Variants in SLC25A16 observed in about 807,000 individuals in gnomAD.
The protein encoded by SLC25A16 is solute carrier family 25 member 16, also known as mitochondrial coenzyme A transporter SLC25A16.
In SLC25A16, 39 loss-of-function variants were observed where a neutral mutation model predicts 41.5. That is an observed-to-expected ratio of 0.94 (90% confidence interval 0.73 to 1.23). The LOEUF is 1.23. Among genes scored for constraint, SLC25A16 ranks in the 50% most tolerant of loss-of-function variants. SLC25A16 has a pLI of 0.00. For synonymous variants in SLC25A16, 146 were observed against 147.8 expected (o/e 0.99, Z 0.09); for missense variants, 421 against 426.9 (o/e 0.99, Z 0.12).
rs200465217 is a variant in SLC25A16 at position 68,509,715 on chromosome 10, CTATA to C, written c.224-3001_224-2998del. The stretch of plus-strand genomic sequence containing the variant: ...AAGACCATGTCTCAAAAAAAAAAAT[CTATA>C]TATCTATCTATCTATATATATATCT... On this transcript the variant is annotated intron_variant, in intron 2 of 8. Coordinates refer to ENST00000609923, the MANE Select transcript of SLC25A16 (RefSeq NM_152707.4). 5.1e-3 allele frequency among the ~76,000 whole-genome samples: 686 copies of C among 133,302 alleles called. 2 individuals are homozygous for C. Among genetic ancestry groups the C allele is most frequent in the Middle Eastern group, 0.044 (10 of 226 alleles). 87.5% of individuals were successfully genotyped at this position (133,302 alleles called of 152,430 possible). A position where few individuals can be genotyped will look rare whatever the true frequency, so the allele number is the denominator to read the frequency against.
chr10:68,498,323 C>CTA (rs1187090010), intron 4 of SLC25A16, among the ~76,000 whole-genome samples: 1 of 140,306 alleles, frequency 7.1e-6, no homozygotes. Context: ...TTAACTTTTT[C>CTA]TTTTTTTTTT....
At chr10:68,526,514 TG>T (rs2053340183) in intron 1 of SLC25A16, among the ~76,000 whole-genome samples, 1 of 152,122 alleles carries the variant, frequency 6.6e-6, no homozygotes, top group African/African-American at 2.4e-5. Context: ...TGCTGAACGC[TG>T]GTTCCCCGGG....
chr10:68,517,486 A>G (rs1022262775), intron 1 of SLC25A16: 3 of 152,542 alleles, frequency 2.0e-5, no homozygotes, highest in East Asian at 1.9e-4. Context: ...CTTCTCTACA[A>G]TACTGTACAT....
rs150163281 is a variant in SLC25A16 at position 68,488,574 on chromosome 10, A to G, written c.666T>C (p.Pro222=). ...CTGATGAAGGTCTGCCAAGAAGGGT[A>G]GGAGCATGGGAAAGCCCAACACTCT... ...TLKSVGLSHA[P]TLLGRPSSDN... Residue 222 remains proline, a synonymous_variant, in exon 7 of 9, where the codon CCT becomes CCC. Transcript: ENST00000609923. 2.0e-5 allele frequency: 33 copies of G among 1,611,238 alleles called. No homozygotes were observed. In the African/African-American group the frequency reaches 3.9e-4, roughly 19 times the overall value.
At chr10:68,524,044 C>A (rs919585100) in intron 1 of SLC25A16, among the ~76,000 whole-genome samples, 1 of 132,424 alleles carries the variant, frequency 7.6e-6, no homozygotes, top group Non-Finnish European at 1.6e-5. Flanking sequence ...GACCAGGTGG[C>A]TCACGCCTGT....
chr10:68,485,128 C>G (rs776882494), intron 8 of SLC25A16, among the ~76,000 whole-genome samples: 11 of 152,176 alleles, frequency 7.2e-5, no homozygotes, highest in Non-Finnish European at 1.6e-4. Flanking sequence ...CGCAGCCTCG[C>G]TGCCAGGCTG....
intron 7 of SLC25A16, among the ~76,000 whole-genome samples, 166 bp from the exon 8 acceptor site, chr10:68,487,378 T>C (rs984814551): frequency 6.6e-6 from 1 of 152,154 alleles, no homozygotes; most frequent in African/African-American, 2.4e-5. Context: ...CAATTAACAA[T>C]ACAGAAGTCT....
Position 68,506,731 on chromosome 10 carries a change from GA to G in SLC25A16, c.224-14del. The G allele has an allele frequency of 6.5e-7, 1 of 1,536,634 alleles. No homozygotes were observed. Among genetic ancestry groups the G allele is most frequent in the Non-Finnish European group, 8.8e-7 (1 of 1,138,276 alleles). Reference sequence around the variant, plus strand: ...GCAGAAAATACTCCTATTTTTAGAGGAAAAATGCTGTTAAAACAGAGAAAAT... The same window carrying G: ...GCAGAAAATACTCCTATTTTTAGAGGAAAATGCTGTTAAAACAGAGAAAAT... On this transcript the variant is annotated splice_polypyrimidine_tract_variant and intron_variant, in intron 2 of 8. Transcript: ENST00000609923.
intron 1 of SLC25A16, among the ~76,000 whole-genome samples, chr10:68,518,438 C>T (rs1417510789): frequency 6.6e-6 from 1 of 151,570 alleles, no homozygotes; most frequent in African/African-American, 2.4e-5. Context: ...AAAGAAAACA[C>T]AAATAAAATT....
intron 2 of SLC25A16, among the ~76,000 whole-genome samples, chr10:68,507,062 G>A (rs2052968062): frequency 7.0e-6 from 1 of 143,858 alleles, no homozygotes; most frequent in African/African-American, 2.6e-5. Context: ...CACTAAAGAT[G>A]ACCTACTCTT....
chr10:68,496,403 G>A (rs2052751051), intron 4 of SLC25A16: 1 of 841,562 alleles, frequency 1.2e-6, no homozygotes, highest in Non-Finnish European at 1.4e-6. Flanking sequence ...AGCCCTCGAT[G>A]TACAAATAAG....
Position 68,478,338 on chromosome 10 carries a change from T to C in SLC25A16, c.*5094A>G, listed in dbSNP as rs1250228376. Reference sequence around the variant, plus strand: ...GGAAATATATGTAATTGTTATTATTTATCACCAGTTTCTAGTGCCCAATAC... The same window carrying C: ...GGAAATATATGTAATTGTTATTATTCATCACCAGTTTCTAGTGCCCAATAC... On this transcript the variant is annotated 3_prime_UTR_variant, in exon 9 of 9. Transcript: ENST00000609923. 1 of 152,218 alleles carries C rather than the reference T, an allele frequency of 6.6e-6. No homozygotes were observed. Among genetic ancestry groups the C allele is most frequent in the Non-Finnish European group, 1.5e-5 (1 of 68,038 alleles). The allele number at this position is 152,218 out of a possible 1,614,324, so 9.4% of individuals were successfully genotyped here.
chr10:68,510,274 G>A lies in SLC25A16; in HGVS notation c.224-3556C>T, dbSNP rs888924534. Reference sequence around the variant, plus strand: ...GGGTCGGGCACAGTGGCTGACGCCTGTAATCCCAGCACTTTGAGAGGCCAA... The same window carrying A: ...GGGTCGGGCACAGTGGCTGACGCCTATAATCCCAGCACTTTGAGAGGCCAA... On this transcript the variant is annotated intron_variant, in intron 2 of 8. Coordinates refer to ENST00000609923, the MANE Select transcript of SLC25A16 (RefSeq NM_152707.4). Among the ~76,000 whole-genome samples, 23 of 151,804 alleles carry A rather than the reference G, an allele frequency of 1.5e-4. No individual in the cohort carries two copies. The East Asian group carries it at 3.9e-3, about 26-fold the overall frequency.
At chr10:68,521,251 A>G (rs1478465641) in intron 1 of SLC25A16, among the ~76,000 whole-genome samples, 1 of 152,124 alleles carries the variant, frequency 6.6e-6, no homozygotes, top group African/African-American at 2.4e-5. Context: ...GTTTCTAATT[A>G]AAACCGGCCG....
intron 2 of SLC25A16, among the ~76,000 whole-genome samples, chr10:68,509,755 A>C (rs1033185466): frequency 7.1e-6 from 1 of 140,338 alleles, no homozygotes; most frequent in African/African-American, 3.0e-5. Flanking sequence ...ATATATATAG[A>C]TATATAGATA....
chr10:68,483,645 A>G, intron 8 of SLC25A16, 57 bp from the exon 9 acceptor site: 13 of 1,424,774 alleles, frequency 9.1e-6, no homozygotes, highest in Non-Finnish European at 1.1e-5. Context: ...AAACAATTTC[A>G]GGATCCATAA....
chr10:68,495,744 T>C (rs182579070), intron 4 of SLC25A16, among the ~76,000 whole-genome samples: 37 of 126,684 alleles, frequency 2.9e-4, no homozygotes, highest in Admixed American at 2.8e-3. Context: ...ATCATGCCAC[T>C]GCACTCCAGT....
rs2052767591 is a variant in SLC25A16 at position 68,497,455 on chromosome 10, T to C, written c.422-3885A>G. Among the ~76,000 whole-genome samples, 3 of 152,240 alleles carry C rather than the reference T, an allele frequency of 2.0e-5. No homozygotes were observed. In the South Asian group the frequency reaches 6.2e-4, roughly 32 times the overall value. ...CAAAATACACCTGTCTATAGTTGTG[T>C]GCAATCTCTGATGAGTGTGACAACT... On this transcript the variant is annotated intron_variant, in intron 4 of 8. Coordinates refer to ENST00000609923, the MANE Select transcript of SLC25A16 (RefSeq NM_152707.4).
rs571715613 is a variant in SLC25A16, at chr10:68,494,645, G to A, written c.422-1075C>T. The stretch of plus-strand genomic sequence containing the variant: ...TAGTCCCAACACTTTGGGAGGCTGA[G>A]GTGGACAGATCACCTGAGGTCAGGA... On this transcript the variant is annotated intron_variant, in intron 4 of 8. Transcript: ENST00000609923. 8.0e-5 allele frequency among the ~76,000 whole-genome samples: 12 copies of A among 149,650 alleles called. No homozygotes were observed. The East Asian group carries it at 2.4e-3, about 29-fold the overall frequency.
Sources: gnomAD v4.1 joint callset for allele counts (sites outside exome capture counted in the v4.1 genomes callset) on GRCh38, gnomAD v4.1.1 for gene constraint, MANE v1.5 for transcripts, NCBI Gene and HGNC (gene_info 2026-07-23, HGNC 2026-07-21) for gene names.